Variants in PAPOLG observed in about 807,000 individuals in gnomAD.
PAPOLG encodes the protein PAP-gamma.
A neutral mutation model predicts 99.0 loss-of-function variants in PAPOLG; 40 were observed. The ratio of observed to expected loss-of-function variants is 0.40; its 90% CI spans 0.31 to 0.53. The LOEUF is 0.53. PAPOLG is among the 20% of genes least tolerant of loss of function. PAPOLG has a pLI of 0.41. For missense variants in PAPOLG, 675 were observed against 884.1 expected (o/e 0.76, Z 3.00); for synonymous variants, 310 against 299.3 (o/e 1.04, Z -0.37).
rs1241405825 is a variant in PAPOLG, at chr2:60,800,151, T to C, written c.*2991T>C. On this transcript the variant is annotated 3_prime_UTR_variant, in exon 22 of 22. Transcript: ENST00000238714. ...GATAGAGGTACATGGCTTAAAACTT[T>C]GTAAAACTGGGACAGGAGAATTATT... 2 of 152,296 alleles carry C rather than the reference T, an allele frequency of 1.3e-5. No individual in the cohort carries two copies. The highest frequency in any genetic ancestry group is 1.9e-4 in the East Asian group (1 of 5,334). The allele number at this position is 152,296 out of a possible 1,614,324, so 9.4% of individuals were successfully genotyped here. A position where few individuals can be genotyped will look rare whatever the true frequency, so the allele number is the denominator to read the frequency against.
chr2:60,766,722 A>AGAAT (rs71918025), intron 3 of PAPOLG, among the ~76,000 whole-genome samples: 15,405 of 151,738 alleles, frequency 0.1, 769 homozygotes, highest in Middle Eastern at 0.14. Flanking sequence ...ATGCCCAGAA[A>AGAAT]GAATGGGCAA....
intron 13 of PAPOLG, among the ~76,000 whole-genome samples, chr2:60,784,875 A>G (rs1671309825): frequency 6.6e-6 from 1 of 152,210 alleles, no homozygotes; most frequent in Non-Finnish European, 1.5e-5. Flanking sequence ...AAGTTTGCCA[A>G]CCCGTCATTT....
chr2:60,760,361 T>A, intron 2 of PAPOLG, 66 bp downstream of exon 2: 1 of 1,418,416 alleles, frequency 7.1e-7, no homozygotes, highest in Non-Finnish European at 9.8e-7. Context: ...TGCGAACATA[T>A]TGAATACCTA....
rs536969676 is a variant in PAPOLG at position 60,787,422 on chromosome 2, T to G, written c.1287-89T>G. On this transcript the variant is annotated intron_variant, in intron 14 of 21. Coordinates refer to ENST00000238714, the MANE Select transcript of PAPOLG (RefSeq NM_022894.4). Reference sequence around the variant, plus strand: ...AATCTGTATTTGTGAGATAGAGACATAGAGACCAAGTTTTAATTATGAAAT... The same window carrying G: ...AATCTGTATTTGTGAGATAGAGACAGAGAGACCAAGTTTTAATTATGAAAT... The G allele has an allele frequency of 7.9e-5, 114 of 1,448,654 alleles. 1 individual carries two copies. The African/African-American group carries it at 1.5e-3, about 19-fold the overall frequency. 89.7% of individuals were successfully genotyped at this position (1,448,654 alleles called of 1,614,324 possible).
intron 21 of PAPOLG, among the ~76,000 whole-genome samples, chr2:60,795,963 A>G (rs1671682830): frequency 1.3e-5 from 2 of 152,130 alleles, no homozygotes; most frequent in African/African-American, 2.4e-5. Flanking sequence ...TCCAGTCTAA[A>G]GGGAAAGTGG....
chr2:60,790,633 T>TA (rs1481272487), intron 15 of PAPOLG, among the ~76,000 whole-genome samples: 2 of 152,236 alleles, frequency 1.3e-5, no homozygotes, highest in African/African-American at 4.8e-5. Context: ...TGGCAAGGTA[T>TA]TCAGAGCTGT....
rs145856840 is a variant in PAPOLG, at chr2:60,801,980, A to G, written c.*4820A>G. On this transcript the variant is annotated 3_prime_UTR_variant, in exon 22 of 22. Transcript: ENST00000238714. ...CTAGCTAGCTGTTTGTGTAGTTCAT[A>G]TTAATTTACCCTGCCTTTTATTTGG... 11 of 152,474 alleles carry G rather than the reference A, an allele frequency of 7.2e-5. 1 individual carries two copies. The South Asian group carries it at 1.7e-3, about 23-fold the overall frequency. The allele number at this position is 152,474 out of a possible 1,614,324, so 9.4% of individuals were successfully genotyped here.
chr2:60,757,675 C>T (rs1670389087), intron 1 of PAPOLG, among the ~76,000 whole-genome samples: 1 of 152,064 alleles, frequency 6.6e-6, no homozygotes, highest in Admixed American at 6.6e-5. Flanking sequence ...TAATTCTTTT[C>T]CTGTTAGTGA....
intron 7 of PAPOLG, among the ~76,000 whole-genome samples, chr2:60,773,277 C>G (rs891247683): frequency 6.6e-6 from 1 of 152,194 alleles, no homozygotes; most frequent in Non-Finnish European, 1.5e-5. Context: ...TTATCACCCT[C>G]AAAAGATCCT....
intron 3 of PAPOLG, among the ~76,000 whole-genome samples, chr2:60,762,917 G>A (rs529476837): frequency 2.6e-5 from 4 of 151,578 alleles, no homozygotes; most frequent in Admixed American, 6.6e-5. Flanking sequence ...TCGAGCCACC[G>A]CGCCCAGCCT....
chr2:60,767,166 G>A (rs368923451), intron 3 of PAPOLG, among the ~76,000 whole-genome samples: 52 of 152,058 alleles, frequency 3.4e-4, no homozygotes, highest in African/African-American at 1.2e-3. Context: ...GGGCAGTAAG[G>A]ATAATGAGGA....
At chr2:60,766,635 C>T (rs1055271881) in intron 3 of PAPOLG, among the ~76,000 whole-genome samples, 1 of 150,496 alleles carries the variant, frequency 6.6e-6, no homozygotes, top group Non-Finnish European at 1.5e-5. Flanking sequence ...CTGCTGTGCT[C>T]ACTTCAGCCT....
At chr2:60,760,810 C>G (rs560451438) in intron 2 of PAPOLG, among the ~76,000 whole-genome samples, 10 of 152,232 alleles carry the variant, frequency 6.6e-5, no homozygotes, top group African/African-American at 2.4e-4. Flanking sequence ...TTGGTTTATT[C>G]TGAGTGAAAT....
rs147765225 is a variant in PAPOLG, at chr2:60,794,089, G to A, written c.1887G>A (p.Pro629=). The A allele has an allele frequency of 1.9e-6, 3 of 1,613,926 alleles. No homozygotes were observed. The highest frequency in any genetic ancestry group is 1.7e-6 in the Non-Finnish European group (2 of 1,179,982). ...CTCACAACCCTGCCCAGGGACAACC[G>A]CATCTGAATGGAATGTCAAATATAA... is the stretch of plus-strand genomic sequence containing the variant. ...TTPHNPAQGQ[P]HLNGMSNITK... Residue 629 remains proline, a synonymous_variant, in exon 19 of 22, where the codon CCG becomes CCA. Coordinates refer to ENST00000238714, the MANE Select transcript of PAPOLG (RefSeq NM_022894.4).
chr2:60,781,918 A>G lies in PAPOLG; in HGVS notation c.940A>G (p.Ile314Val), dbSNP rs955756423. The G allele has an allele frequency of 7.4e-6, 12 of 1,613,834 alleles. No homozygotes were observed. The highest frequency in any genetic ancestry group is 1.7e-5 in the Admixed American group (1 of 59,996). ...ATCAGATAGGTATCATCTCATGCCC[A>G]TAATCACCCCTGCCTACCCACAACA... ...NPSDRYHLMPIITPAYPQQNS... is the reference protein window; with the variant it reads ...NPSDRYHLMPVITPAYPQQNS... The change falls in exon 11 of 22, where the codon ATA (isoleucine) becomes GTA (valine). Residue 314 changes from isoleucine (I) to valine (V), a missense_variant. Physicochemically the swap from Ile to Val is conservative, Grantham distance 29. Coordinates refer to ENST00000238714, the MANE Select transcript of PAPOLG (RefSeq NM_022894.4).
intron 5 of PAPOLG, among the ~76,000 whole-genome samples, chr2:60,769,150 T>C (rs1670773548): frequency 6.6e-6 from 1 of 152,208 alleles, no homozygotes; most frequent in African/African-American, 2.4e-5. Context: ...GCCTGTTTCC[T>C]GATCTGTAAA....
chr2:60,770,739 T>C (rs1205309097), intron 6 of PAPOLG, among the ~76,000 whole-genome samples: 1 of 152,110 alleles, frequency 6.6e-6, no homozygotes, highest in Non-Finnish European at 1.5e-5. Flanking sequence ...TCCTTCCACC[T>C]GAGCCTCCTG....
Position 60,768,794 on chromosome 2 carries a change from T to C in PAPOLG, c.342T>C (p.Asp114=). Residue 114 remains aspartate (D), a synonymous_variant, in exon 5 of 22, where the codon GAT becomes GAC. Transcript: ENST00000238714. ...TTTAATTTACAGGAGCTGACATTGA[T>C]GCACTTTGTGTAGCTCCAAGACATG... The part of the protein sequence containing the change: ...LGVHTKGADI[D]ALCVAPRHVE... The C allele has an allele frequency of 6.4e-7, 1 of 1,568,610 alleles. No individual in the cohort carries two copies. Among genetic ancestry groups the C allele is most frequent in the South Asian group, 1.2e-5 (1 of 84,210 alleles).
Position 60,795,009 on chromosome 2 carries a change from TCACGCAAA to T in PAPOLG, c.2102_2109del (p.Ser701Ter). On this transcript the variant is annotated frameshift_variant, in exon 21 of 22. Coordinates refer to ENST00000238714, the MANE Select transcript of PAPOLG (RefSeq NM_022894.4). LOFTEE classifies it high-confidence loss of function. ...TATGCCTATTCCAACTATTGATACA[TCACGCAAA>T]AAGGTAACAAGATAGTCTTGTTCAT... 1 of 1,612,052 alleles carries T rather than the reference TCACGCAAA, an allele frequency of 6.2e-7. No homozygotes were observed. The highest frequency in any genetic ancestry group is 8.5e-7 in the Non-Finnish European group (1 of 1,178,664).
Sources: allele counts gnomAD v4.1 joint callset (sites outside exome capture counted in the v4.1 genomes callset), GRCh38; gene constraint gnomAD v4.1.1; transcripts MANE v1.5; gene names NCBI Gene and HGNC (gene_info 2026-07-23, HGNC 2026-07-21).